Variants in TSGA10 observed in about 807,000 individuals in gnomAD.
TSGA10 encodes testis specific 10, also known as testis-specific gene 10 protein.
Under a neutral mutation model 96.6 loss-of-function variants are expected in TSGA10, and 43 were observed. The ratio of observed to expected loss-of-function variants is 0.44; its 90% CI spans 0.35 to 0.57. The LOEUF is 0.57. Among genes scored for constraint, TSGA10 ranks in the 20% least tolerant of loss-of-function variants. The pLI, the probability that TSGA10 is intolerant of heterozygous loss-of-function variation, is 0.01. For synonymous variants in TSGA10, 229 were observed against 269.9 expected, an observed-to-expected ratio of 0.85 and a Z score of 1.48; for missense variants, 703 against 834.4, an observed-to-expected ratio of 0.84 and a Z score of 1.94.
At chr2:99,059,920 A>G (rs2084490735) in intron 16 of TSGA10, among the ~76,000 whole-genome samples, 1 of 151,528 alleles carries the variant, frequency 6.6e-6, no homozygotes, top group Non-Finnish European at 1.5e-5. Flanking sequence ...TCTCAAAAAA[A>G]AAAAAAAAAA....
intron 20 of TSGA10, among the ~76,000 whole-genome samples, chr2:99,003,092 C>T (rs752946078): frequency 1.4e-4 from 21 of 152,166 alleles, no homozygotes; most frequent in Non-Finnish European, 2.9e-4. Context: ...CTCCTGACCT[C>T]GTGATCCACC....
chr2:99,072,933 C>A (rs766036616), intron 13 of TSGA10, 85 bp downstream of exon 13: 1 of 911,528 alleles, frequency 1.1e-6, no homozygotes. Context: ...TATCATTAAG[C>A]CCCTTGTTTC....
chr2:99,012,923 T>G lies in TSGA10; in HGVS notation c.2072+5277A>C, dbSNP rs1051598751. On this transcript the variant is annotated intron_variant, in intron 20 of 20. Coordinates refer to ENST00000393483, the MANE Select transcript of TSGA10 (RefSeq NM_025244.4). ...ACAATCTCCAAGATTGAACATATGA[T>G]AGGACACAAAGCAAGTCTCAATAAA... Among the ~76,000 whole-genome samples the G allele has an allele frequency of 6.6e-5, 10 of 152,366 alleles. No individual in the cohort carries two copies. In the South Asian group the frequency reaches 2.1e-3, roughly 32 times the overall value.
chr2:99,088,913 TCTCA>T (rs1363060863), intron 10 of TSGA10, among the ~76,000 whole-genome samples: 6 of 152,166 alleles, frequency 3.9e-5, no homozygotes, highest in African/African-American at 1.4e-4. Context: ...AATTTGAAGC[TCTCA>T]CTCAGACGAA....
intron 11 of TSGA10, among the ~76,000 whole-genome samples, chr2:99,079,535 T>A (rs190119930): frequency 2.5e-4 from 38 of 152,344 alleles, no homozygotes; most frequent in African/African-American, 8.9e-4. Context: ...CAGCAATTTA[T>A]GCTTTAAAAA....
intron 15 of TSGA10, among the ~76,000 whole-genome samples, chr2:99,067,837 C>A (rs1034261557): frequency 2.7e-5 from 4 of 150,184 alleles, no homozygotes; most frequent in Non-Finnish European, 5.9e-5. Context: ...TACAGTGAGC[C>A]TGTCTCAAAA....
intron 15 of TSGA10, 65 bp downstream of exon 15, chr2:99,068,823 C>T: frequency 1.3e-6 from 1 of 765,016 alleles, no homozygotes; most frequent in South Asian, 3.7e-5. Flanking sequence ...CTGAGTATAC[C>T]AACTTCTAAA....
At chr2:99,130,572 T>C (rs1187309078) in intron 1 of TSGA10, among the ~76,000 whole-genome samples, 1 of 152,116 alleles carries the variant, frequency 6.6e-6, no homozygotes, top group East Asian at 1.9e-4. Context: ...CCATTCTGTG[T>C]TTCCTGTTCA....
At chr2:99,074,417 T>C (rs141323174) in intron 12 of TSGA10, among the ~76,000 whole-genome samples, 1 of 151,242 alleles carries the variant, frequency 6.6e-6, no homozygotes, top group East Asian at 1.9e-4. Flanking sequence ...AGGGTATTTT[T>C]AGCTACAGTT....
intron 1 of TSGA10, among the ~76,000 whole-genome samples, chr2:99,148,974 T>C (rs1314515283): frequency 1.3e-5 from 2 of 151,630 alleles, no homozygotes; most frequent in African/African-American, 4.8e-5. Context: ...ATAAATAAAA[T>C]ATAGACTGGA....
intron 14 of TSGA10, among the ~76,000 whole-genome samples, chr2:99,071,013 T>C (rs1004726083): frequency 3.9e-5 from 6 of 152,168 alleles, no homozygotes; most frequent in Admixed American, 6.5e-5. Flanking sequence ...GATAATTTTT[T>C]ATGATTAACA....
At chr2:99,017,820 T>C (rs1402912634) in intron 20 of TSGA10, among the ~76,000 whole-genome samples, 5 of 148,210 alleles carry the variant, frequency 3.4e-5, no homozygotes, top group African/African-American at 1.2e-4. Flanking sequence ...GGGGGAAGGA[T>C]GGGAGAAGAG....
intron 10 of TSGA10, among the ~76,000 whole-genome samples, chr2:99,096,928 T>C (rs1029668145): frequency 6.6e-6 from 1 of 152,178 alleles, no homozygotes; most frequent in Non-Finnish European, 1.5e-5. Context: ...ACTGTGTTGG[T>C]AGAGAACTGA....
intron 1 of TSGA10, among the ~76,000 whole-genome samples, chr2:99,140,688 G>GA (rs2093502218): frequency 6.6e-6 from 1 of 152,058 alleles, no homozygotes; most frequent in Non-Finnish European, 1.5e-5. Flanking sequence ...CCCAAGTCTA[G>GA]AAAGAGGCTC....
At chr2:99,036,174 T>C (rs2081608970) in intron 16 of TSGA10, among the ~76,000 whole-genome samples, 1 of 152,106 alleles carries the variant, frequency 6.6e-6, no homozygotes, top group South Asian at 2.1e-4. Flanking sequence ...GAGAGGCAAA[T>C]AAATTTATGT....
intron 17 of TSGA10, among the ~76,000 whole-genome samples, chr2:99,031,366 G>A (rs1342042244): frequency 6.7e-6 from 1 of 149,978 alleles, no homozygotes; most frequent in East Asian, 1.9e-4. Context: ...AATGGGTCAC[G>A]GAATTAAATG....
At position 99,098,438 on chromosome 2, in the gene TSGA10, C is replaced by CAA. The variant is rs59144676; in HGVS notation, c.611+5527_611+5528dup. Among the ~76,000 whole-genome samples the CAA allele has an allele frequency of 7.0e-3, 651 of 92,554 alleles. 13 individuals carry two copies. The highest frequency in any genetic ancestry group is 0.03 in the African/African-American group (581 of 19,460). The allele number at this position is 92,554 out of a possible 152,430, so 60.7% of individuals were successfully genotyped here. ...TGGGTGACAGAGAGAGACTCTGCCT[C>CAA]AAAAAAAAAAAAAAAAAGAAAAGAA... On this transcript the variant is annotated intron_variant, in intron 10 of 20. Transcript: ENST00000393483.
chr2:99,065,225 GT>G, intron 15 of TSGA10, 101 bp from the exon 16 acceptor site: 1 of 1,274,620 alleles, frequency 7.8e-7, no homozygotes, highest in Non-Finnish European at 1.1e-6. Flanking sequence ...CATGAGAAGC[GT>G]TTATAATAGA....
At chr2:99,150,340 A>G (rs2093680189) in intron 1 of TSGA10, 1 of 520,046 alleles carries the variant, frequency 1.9e-6, no homozygotes, top group East Asian at 3.1e-5. Flanking sequence ...CCCTCCCACA[A>G]AGAAAATGTA....
Sources: gnomAD v4.1 joint callset for allele counts (sites outside exome capture counted in the v4.1 genomes callset) on GRCh38, gnomAD v4.1.1 for gene constraint, MANE v1.5 for transcripts, NCBI Gene and HGNC (gene_info 2026-07-23, HGNC 2026-07-21) for gene names.